The following R3HDM2 variants were observed in gnomAD, a reference collection of about 807,000 sequenced individuals.
R3HDM2 encodes the protein R3H domain containing 2, also known as R3H domain-containing protein 2.
Under a neutral mutation model 124.5 loss-of-function variants are expected in R3HDM2, and 38 were observed. That is an observed-to-expected ratio of 0.31 (90% CI 0.24 to 0.40). The LOEUF is 0.40. Ranked by LOEUF, R3HDM2 falls within the 10% of genes least tolerant of loss-of-function variation. The pLI is 1.00. For synonymous variants in R3HDM2, 391 were observed against 448.0 expected, an observed-to-expected ratio of 0.87 and a Z score of 1.61; for missense variants, 869 against 1,236.9, an observed-to-expected ratio of 0.70 and a Z score of 4.46.
intron 2 of R3HDM2, among the ~76,000 whole-genome samples, chr12:57,317,988 C>CA (rs769547852): frequency 5.8e-4 from 84 of 144,590 alleles, no homozygotes; most frequent in African/African-American, 1.5e-3. Flanking sequence ...CCCGCCCCCC[C>CA]AAAAAAAAAA....
Position 57,258,898 on chromosome 12 carries a change from T to C in R3HDM2, c.2293A>G (p.Ser765Gly). 2 of 1,577,694 alleles carry C rather than the reference T, an allele frequency of 1.3e-6. No individual in the cohort carries two copies. Reference protein sequence around the residue: ...KPGDLYSPDSSPQANTQMSSS... With the variant: ...KPGDLYSPDSGPQANTQMSSS... The stretch of plus-strand genomic sequence containing the variant: ...CTGAGTGCTGCACTCACCTGGGGGC[T>C]GCTGTCAGGACTGTACAGGTCTCCA... The change falls in exon 20 of 24, where the codon AGC (serine) becomes GGC (glycine). Residue 765 changes from serine to glycine, a missense_variant. By Grantham distance (56) the Ser-to-Gly change is moderately conservative (BLOSUM62 0). This residue lies in a region of R3HDM2 where 602 missense variants were observed against 789.2 expected (regional missense o/e 0.76). Coordinates refer to ENST00000402412, the MANE Select transcript of R3HDM2 (RefSeq NM_001394031.1).
chr12:57,420,918 A>G (rs1003406383), intron 1 of R3HDM2, among the ~76,000 whole-genome samples: 3 of 152,054 alleles, frequency 2.0e-5, no homozygotes, highest in Non-Finnish European at 4.4e-5. Context: ...AGGCATTTCC[A>G]TATGGTTCCA....
chr12:57,415,909 AC>A (rs1383441876), intron 1 of R3HDM2, among the ~76,000 whole-genome samples: 1 of 152,254 alleles, frequency 6.6e-6, no homozygotes. Context: ...AAAAGAGACT[AC>A]AAACATACAA....
chr12:57,268,572 C>T (rs2042960862), intron 17 of R3HDM2, 115 bp from the exon 18 acceptor site: 6 of 1,106,994 alleles, frequency 5.4e-6, no homozygotes, highest in Non-Finnish European at 7.8e-6. Context: ...ACCTTAGATC[C>T]TCCTCCTGTT....
chr12:57,297,251 T>G, intron 8 of R3HDM2, 77 bp downstream of exon 8: 1 of 758,892 alleles, frequency 1.3e-6, no homozygotes, highest in Non-Finnish European at 2.2e-6. Context: ...AAGGGGAACA[T>G]CTCCTAAAAT....
chr12:57,313,655 G>A (rs1299209305), intron 2 of R3HDM2, among the ~76,000 whole-genome samples: 1 of 151,764 alleles, frequency 6.6e-6, no homozygotes, highest in African/African-American at 2.4e-5. Flanking sequence ...TGAGGTAGGA[G>A]GGTCGCTTGA....
intron 3 of R3HDM2, among the ~76,000 whole-genome samples, chr12:57,308,112 T>G (rs1418424176): frequency 6.8e-6 from 1 of 148,090 alleles, no homozygotes; most frequent in Non-Finnish European, 1.5e-5. Flanking sequence ...TGGAGTGCAG[T>G]GGGGTGATCT....
Position 57,430,709 on chromosome 12 carries a change from G to A in R3HDM2, c.-106+11C>T. 3 of 472,648 alleles carry A rather than the reference G, an allele frequency of 6.3e-6. No individual in the cohort carries two copies. The highest frequency in any genetic ancestry group is 8.3e-6 in the Non-Finnish European group (3 of 362,828). The allele number at this position is 472,648 out of a possible 1,614,324, so 29.3% of individuals were successfully genotyped here. ...GGGCCGCCCGCCCCCTCGGCCGGGA[G>A]GTGGCCTCACCTCGCACGGGCCTTG... On this transcript the variant is annotated intron_variant, in intron 1 of 23. Transcript: ENST00000402412.
intron 1 of R3HDM2, among the ~76,000 whole-genome samples, chr12:57,407,067 G>A (rs1318067744): frequency 1.3e-5 from 2 of 151,984 alleles, no homozygotes; most frequent in African/African-American, 2.4e-5. Context: ...TGGCCAACAT[G>A]GTGAAACCCC....
intron 1 of R3HDM2, among the ~76,000 whole-genome samples, chr12:57,426,109 T>A (rs955126804): frequency 6.6e-6 from 1 of 152,008 alleles, no homozygotes; most frequent in Admixed American, 6.6e-5. Context: ...ATGCCTGTAA[T>A]CCCAGCTACT....
rs1161912267 is a variant in R3HDM2, at chr12:57,274,253, T to G, written c.1345-4259A>C. ...ATCCCAACACTTTGGGAGGCTGAGG[T>G]GGGCAGACCACCTGAGTCGAGACCA... On this transcript the variant is annotated intron_variant, in intron 14 of 23. Coordinates refer to ENST00000402412, the MANE Select transcript of R3HDM2 (RefSeq NM_001394031.1). Among the ~76,000 whole-genome samples, 11 of 152,106 alleles carry G rather than the reference T, an allele frequency of 7.2e-5. No individual in the cohort carries two copies. The South Asian group carries it at 2.1e-3, about 29-fold the overall frequency.
intron 15 of R3HDM2, 117 bp downstream of exon 15, chr12:57,269,635 C>G (rs2043168810): frequency 1.2e-5 from 18 of 1,502,148 alleles, no homozygotes; most frequent in Non-Finnish European, 1.5e-5. Flanking sequence ...GAACAACTCT[C>G]AAGTGCAAGG....
At chr12:57,309,224 G>A (rs2053404842) in intron 3 of R3HDM2, among the ~76,000 whole-genome samples, 1 of 152,188 alleles carries the variant, frequency 6.6e-6, no homozygotes, top group Admixed American at 6.5e-5. Flanking sequence ...TTGTTCCGGT[G>A]TTTTAATCTA....
intron 1 of R3HDM2, among the ~76,000 whole-genome samples, chr12:57,396,642 G>A (rs11172197): frequency 0.37 from 55,740 of 151,418 alleles, 11,666 homozygotes; most frequent in Middle Eastern, 0.75. Flanking sequence ...AGCCAAGTGT[G>A]TTGGCGGGCG....
chr12:57,361,000 G>A (rs1261741557), intron 2 of R3HDM2, among the ~76,000 whole-genome samples: 2 of 141,426 alleles, frequency 1.4e-5, no homozygotes, highest in South Asian at 2.3e-4. Flanking sequence ...TGCGGTGAGC[G>A]GAGATGCACC....
At chr12:57,393,592 A>G (rs957598321) in intron 2 of R3HDM2, among the ~76,000 whole-genome samples, 2 of 152,244 alleles carry the variant, frequency 1.3e-5, no homozygotes, top group Admixed American at 1.3e-4. Context: ...GACACCATCA[A>G]GCATACTAAC....
chr12:57,320,747 A>T (rs2056312934), intron 2 of R3HDM2, among the ~76,000 whole-genome samples: 1 of 152,154 alleles, frequency 6.6e-6, no homozygotes, highest in South Asian at 2.1e-4. Flanking sequence ...TACCTTCCAT[A>T]ATAGAGTGAG....
At chr12:57,354,003 G>A (rs1440295709) in intron 2 of R3HDM2, among the ~76,000 whole-genome samples, 2 of 151,792 alleles carry the variant, frequency 1.3e-5, no homozygotes, top group Non-Finnish European at 2.9e-5. Context: ...ACAAGTGCAC[G>A]CCACCACACC....
At chr12:57,281,644 C>A (rs1822194000) in intron 13 of R3HDM2, among the ~76,000 whole-genome samples, 2 of 152,012 alleles carry the variant, frequency 1.3e-5, no homozygotes, top group Non-Finnish European at 2.9e-5. Flanking sequence ...CACCACCACG[C>A]CCAACTAATT....
Sources: gnomAD v4.1 joint callset for allele counts (sites outside exome capture counted in the v4.1 genomes callset) on GRCh38, gnomAD v4.1.1 for gene constraint, gnomAD v4.1.1 regional missense constraint, MANE v1.5 for transcripts, NCBI Gene and HGNC (gene_info 2026-07-23, HGNC 2026-07-21) for gene names.